Variants in RBFOX1 observed in about 807,000 individuals in gnomAD.
The protein encoded by RBFOX1 is RNA binding fox-1 homolog 1.
In RBFOX1, 8 loss-of-function variants were observed where a neutral mutation model predicts 57.7. The ratio of observed to expected loss-of-function variants is 0.14; its 90% confidence interval spans 0.08 to 0.25. The LOEUF (loss-of-function observed/expected upper bound fraction) is 0.25, where lower values mean the gene tolerates loss of function less well. RBFOX1 is among the 10% of genes least tolerant of loss of function. The pLI is 1.00. For missense variants in RBFOX1, 611 were observed against 548.5 expected (o/e 1.11, Z -1.14); for synonymous variants, 326 against 222.4 (o/e 1.47, Z -4.15).
At chr16:6,203,980 CTT>C (rs60829829) in intron 1 of RBFOX1, among the ~76,000 whole-genome samples, 26 of 137,646 alleles carry the variant, frequency 1.9e-4, no homozygotes, top group Admixed American at 2.9e-4. Context: ...TGTTTTGTTT[CTT>C]TTTTTTTTTT....
At chr16:5,437,938 C>A (rs1440949465) in intron 1 of RBFOX1, among the ~76,000 whole-genome samples, 1 of 152,046 alleles carries the variant, frequency 6.6e-6, no homozygotes, top group Admixed American at 6.5e-5. Flanking sequence ...ATTTTTCCTT[C>A]TAGGGCAAAT....
intron 4 of RBFOX1, among the ~76,000 whole-genome samples, chr16:7,239,993 G>A (rs528406195): frequency 6.6e-6 from 1 of 152,270 alleles, no homozygotes; most frequent in South Asian, 2.1e-4. Flanking sequence ...TTGAGACTGA[G>A]CCTAGCTCTG....
At chr16:6,884,468 G>C (rs1344085648) in intron 3 of RBFOX1, among the ~76,000 whole-genome samples, 2 of 152,150 alleles carry the variant, frequency 1.3e-5, no homozygotes, top group Non-Finnish European at 2.9e-5. Context: ...CTTATTATTA[G>C]TGGCTACAAA....
chr16:6,795,919 C>A (rs34152595), intron 3 of RBFOX1, among the ~76,000 whole-genome samples: 95 of 152,036 alleles, frequency 6.2e-4, no homozygotes, highest in Admixed American at 1.2e-3. Flanking sequence ...TTGTGTTTAC[C>A]TGTCAGTGAA....
chr16:5,293,191 C>T (rs2063576943), intron 1 of RBFOX1, among the ~76,000 whole-genome samples: 2 of 151,998 alleles, frequency 1.3e-5, no homozygotes, highest in South Asian at 4.2e-4. Flanking sequence ...TGTGGTGGTG[C>T]ACGCCTGTAA....
chr16:6,589,788 A>G (rs965857321), intron 2 of RBFOX1, among the ~76,000 whole-genome samples: 41 of 152,222 alleles, frequency 2.7e-4, no homozygotes, highest in African/African-American at 9.9e-4. Flanking sequence ...TTCCAAAGTT[A>G]GTTCAGCCTA....
chr16:6,806,836 A>AAATATATATATATATTTATATATATATAT (rs2086922605), intron 3 of RBFOX1, among the ~76,000 whole-genome samples: 12 of 91,876 alleles, frequency 1.3e-4, no homozygotes, highest in African/African-American at 4.1e-4. Flanking sequence ...ATATATATAT[A>AAATATATATATATATTTATATATATATAT]TTTTTTTTTT....
intron 1 of RBFOX1, among the ~76,000 whole-genome samples, chr16:5,322,207 G>C (rs564683152): frequency 2.0e-5 from 3 of 152,190 alleles, no homozygotes; most frequent in Non-Finnish European, 4.4e-5. Flanking sequence ...GAGCTTCTGA[G>C]AGAAAAACGT....
intron 1 of RBFOX1, among the ~76,000 whole-genome samples, chr16:6,262,508 A>C (rs12925257): frequency 0.68 from 103,727 of 152,002 alleles, 40,710 homozygotes; most frequent in Non-Finnish European, 0.87. Context: ...GGCAGTGTTC[A>C]CTGCAGCAGC....
At chr16:5,916,006 C>T (rs372688777) in intron 4 of RBFOX1, among the ~76,000 whole-genome samples, 1 of 152,180 alleles carries the variant, frequency 6.6e-6, no homozygotes, top group Non-Finnish European at 1.5e-5. Context: ...TCTTATTTCT[C>T]CAGCCTTCAC....
intron 4 of RBFOX1, among the ~76,000 whole-genome samples, chr16:7,118,311 G>A (rs1318040686): frequency 3.3e-5 from 5 of 152,126 alleles, no homozygotes; most frequent in Non-Finnish European, 7.4e-5. Flanking sequence ...GCTCATTATG[G>A]TTTTAATTTG....
chr16:7,682,379 G>C (rs1247143339), intron 14 of RBFOX1, among the ~76,000 whole-genome samples: 1 of 152,002 alleles, frequency 6.6e-6, no homozygotes, highest in Non-Finnish European at 1.5e-5. Flanking sequence ...GAAGGGATGG[G>C]AGAGTTTTCC....
chr16:6,081,826 A>G (rs1348671553), intron 1 of RBFOX1, among the ~76,000 whole-genome samples: 2 of 152,182 alleles, frequency 1.3e-5, no homozygotes, highest in South Asian at 4.1e-4. Flanking sequence ...AGCTACCTGC[A>G]GCTACGCTTG....
intron 14 of RBFOX1, among the ~76,000 whole-genome samples, chr16:7,683,609 G>T (rs946997259): frequency 1.3e-5 from 2 of 152,040 alleles, no homozygotes; most frequent in Non-Finnish European, 2.9e-5. Flanking sequence ...GACAAGGCAA[G>T]GTGTAACAAC....
rs147522794 is a variant in RBFOX1, at chr16:6,723,074, G to T, written c.-16+68424G>T. Among the ~76,000 whole-genome samples, 910 of 152,334 alleles carry T rather than the reference G, an allele frequency of 6.0e-3. 5 individuals carry two copies. Among genetic ancestry groups the T allele is most frequent in the Admixed American group, 7.4e-3 (113 of 15,298 alleles). ...AGGCTTTGGGGAGGGGATGGGCAAT[G>T]TCCCATGAGTGGTGATGTGGACACC... On this transcript the variant is annotated intron_variant, in intron 3 of 15. Transcript: ENST00000550418.
At chr16:5,262,066 C>A (rs2062748662) in intron 1 of RBFOX1, among the ~76,000 whole-genome samples, 1 of 152,142 alleles carries the variant, frequency 6.6e-6, no homozygotes, top group African/African-American at 2.4e-5. Flanking sequence ...AAGAAACACA[C>A]AACGTATTTT....
At chr16:7,418,937 G>T (rs2098511940) in intron 4 of RBFOX1, among the ~76,000 whole-genome samples, 1 of 151,938 alleles carries the variant, frequency 6.6e-6, no homozygotes, top group South Asian at 2.1e-4. Flanking sequence ...AAGGGTCTCA[G>T]TCTGTCACCC....
rs995136039 is a variant in RBFOX1 at position 7,312,798 on chromosome 16, G to T, written c.28-205349G>T. Among the ~76,000 whole-genome samples the T allele has an allele frequency of 1.5e-4, 23 of 152,308 alleles. No individual in the cohort carries two copies. In the Middle Eastern group the frequency reaches 0.017, roughly 113 times the overall value. ...TCCATTCAGAACGTCATTATTCTGTGATGCCAGAGACTTGGGCACACGTTG... is the reference window on the plus strand; with the variant it reads ...TCCATTCAGAACGTCATTATTCTGTTATGCCAGAGACTTGGGCACACGTTG... On this transcript the variant is annotated intron_variant, in intron 4 of 15. Coordinates refer to ENST00000550418, the MANE Select transcript of RBFOX1 (RefSeq NM_018723.4).
In RBFOX1 at chr16:7,310,875, C is replaced by T. The variant is rs113124245; in HGVS notation, c.28-207272C>T. Reference sequence around the variant, plus strand: ...CTCCCAGGGAGCAAAGCAAAGGCCCCTGTCCTCACAGATAGTCTGTTACGT... The same window carrying T: ...CTCCCAGGGAGCAAAGCAAAGGCCCTTGTCCTCACAGATAGTCTGTTACGT... On this transcript the variant is annotated intron_variant, in intron 4 of 15. Transcript: ENST00000550418. Among the ~76,000 whole-genome samples the T allele has an allele frequency of 3.3e-3, 498 of 152,298 alleles. 5 individuals carry two copies. Among genetic ancestry groups the T allele is most frequent in the African/African-American group, 0.011 (475 of 41,562 alleles).
Sources: allele counts gnomAD v4.1 joint callset (sites outside exome capture counted in the v4.1 genomes callset), GRCh38; gene constraint gnomAD v4.1.1; transcripts MANE v1.5; gene names NCBI Gene and HGNC (gene_info 2026-07-23, HGNC 2026-07-21).